HSDL2: variants seen among roughly 807,000 people sequenced by gnomAD.
HSDL2 encodes the protein hydroxysteroid dehydrogenase-like protein 2.
In HSDL2, 27 loss-of-function variants were observed where a neutral mutation model predicts 46.3. That is an observed-to-expected ratio of 0.58 (90% CI 0.43 to 0.80). The LOEUF is 0.80. Ranked by LOEUF, HSDL2 falls within the 30% of genes least tolerant of loss-of-function variation. The pLI is 0.00. For synonymous variants in HSDL2, 153 were observed against 163.6 expected (o/e 0.94, Z 0.50); for missense variants, 451 against 502.7 (o/e 0.90, Z 0.98).
At chr9:112,414,186 T>G (rs997996651) in intron 4 of HSDL2, 2 of 153,134 alleles carry the variant, frequency 1.3e-5, no homozygotes, top group Non-Finnish European at 2.9e-5. Context: ...CTAGCAGATA[T>G]TTAAGAATGT....
In HSDL2 at chr9:112,471,361, T is replaced by C. The variant is rs1833570356; in HGVS notation, c.*817T>C. ...GAGGCCTTTAAAGAGGTGACTTAAGTTCAAAGGAGGCTGTTAGTCTAATCC... is the reference window on the plus strand; with the variant it reads ...GAGGCCTTTAAAGAGGTGACTTAAGCTCAAAGGAGGCTGTTAGTCTAATCC... On this transcript the variant is annotated 3_prime_UTR_variant, in exon 11 of 11. Transcript: ENST00000398805. 1 of 152,144 alleles carries C rather than the reference T, an allele frequency of 6.6e-6. No homozygotes were observed. The highest frequency in any genetic ancestry group is 1.5e-5 in the Non-Finnish European group (1 of 68,048). 9.4% of individuals were successfully genotyped at this position (152,144 alleles called of 1,614,324 possible). A position where few individuals can be genotyped will look rare whatever the true frequency, so the allele number is the denominator to read the frequency against.
intron 6 of HSDL2, among the ~76,000 whole-genome samples, chr9:112,436,418 C>T (rs1346663266): frequency 6.6e-6 from 1 of 151,928 alleles, no homozygotes; most frequent in East Asian, 1.9e-4. Context: ...TTGTCAACAT[C>T]TGTGTCCTTA....
At chr9:112,430,794 G>A (rs1832370982) in intron 6 of HSDL2, among the ~76,000 whole-genome samples, 1 of 152,090 alleles carries the variant, frequency 6.6e-6, no homozygotes, top group Non-Finnish European at 1.5e-5. Context: ...GCTCGCATCT[G>A]TAATCCCAGC....
chr9:112,451,557 A>G (rs1362356106), intron 8 of HSDL2, among the ~76,000 whole-genome samples: 1 of 152,220 alleles, frequency 6.6e-6, no homozygotes, highest in Non-Finnish European at 1.5e-5. Flanking sequence ...CTTACATTCT[A>G]TCCCAGCTCT....
intron 6 of HSDL2, among the ~76,000 whole-genome samples, chr9:112,437,509 A>C (rs1792846999): frequency 6.6e-6 from 1 of 152,048 alleles, no homozygotes; most frequent in Non-Finnish European, 1.5e-5. Context: ...GTGGTCCCTA[A>C]AGTAATGGTG....
chr9:112,466,409 T>C (rs1833380649), intron 10 of HSDL2, among the ~76,000 whole-genome samples: 2 of 152,118 alleles, frequency 1.3e-5, no homozygotes, highest in South Asian at 4.2e-4. Flanking sequence ...AAAAATTAGC[T>C]GGGCATGGTG....
chr9:112,468,619 C>T (rs923171855), intron 10 of HSDL2, among the ~76,000 whole-genome samples: 1 of 152,020 alleles, frequency 6.6e-6, no homozygotes, highest in African/African-American at 2.4e-5. Flanking sequence ...CTCTTCTTCT[C>T]CTCTCTCCTT....
rs1832004971 is a variant in HSDL2, at chr9:112,416,746, C to G, written c.396-95C>G. ...CTGTGATCGAGTCATGCACTCCAGC[C>G]TGGGCAACAGAGCAAGGCCCCCTCT... is the stretch of plus-strand genomic sequence containing the variant. On this transcript the variant is annotated intron_variant, in intron 4 of 10. Transcript: ENST00000398805. 1.1e-5 allele frequency: 7 copies of G among 622,406 alleles called. No homozygotes were observed. In the South Asian group the frequency reaches 1.4e-4, roughly 12 times the overall value. 38.6% of individuals were successfully genotyped at this position (622,406 alleles called of 1,614,324 possible).
At position 112,400,059 on chromosome 9, in the gene HSDL2, G is replaced by A. The variant is rs117292666; in HGVS notation, c.18-3936G>A. ...TTTTCACAATTTATGTTCCTCTTCCGCGGCTCCAGCTGGTCCCTCCGTTCG... is the reference window on the plus strand; with the variant it reads ...TTTTCACAATTTATGTTCCTCTTCCACGGCTCCAGCTGGTCCCTCCGTTCG... On this transcript the variant is annotated intron_variant, in intron 1 of 10. Transcript: ENST00000398805. Among the ~76,000 whole-genome samples the A allele has an allele frequency of 3.7e-3, 566 of 152,282 alleles. 25 individuals are homozygous for A. In the East Asian group the frequency reaches 0.095, roughly 26 times the overall value.
intron 1 of HSDL2, among the ~76,000 whole-genome samples, chr9:112,382,053 C>T (rs1251380269): frequency 2.0e-5 from 3 of 152,084 alleles, no homozygotes; most frequent in African/African-American, 7.2e-5. Context: ...GCCTGGCCAA[C>T]GTGGTGAAAC....
chr9:112,409,683 T>A (rs916642577), intron 4 of HSDL2, among the ~76,000 whole-genome samples: 2 of 152,008 alleles, frequency 1.3e-5, no homozygotes, highest in Non-Finnish European at 1.5e-5. Flanking sequence ...AAAAAGTTTT[T>A]AAAATCAGGC....
intron 7 of HSDL2, 97 bp downstream of exon 7, chr9:112,438,722 A>G (rs1044659805): frequency 2.0e-5 from 14 of 706,230 alleles, no homozygotes; most frequent in Non-Finnish European, 2.8e-5. Context: ...TGATTGTAAA[A>G]TGAATGTGTT....
intron 10 of HSDL2, among the ~76,000 whole-genome samples, chr9:112,464,773 G>A (rs1042441693): frequency 5.9e-5 from 9 of 151,946 alleles, no homozygotes; most frequent in South Asian, 2.1e-4. Flanking sequence ...AAACATTTTC[G>A]TCATCTCAAA....
intron 1 of HSDL2, among the ~76,000 whole-genome samples, chr9:112,399,014 T>C (rs1315901715): frequency 6.6e-6 from 1 of 151,550 alleles, no homozygotes; most frequent in African/African-American, 2.4e-5. Flanking sequence ...ACCGGACCAA[T>C]GAACGTTTCT....
chr9:112,438,374 A>G (rs1278075767), intron 6 of HSDL2, 57 bp from the exon 7 acceptor site: 2 of 1,118,522 alleles, frequency 1.8e-6, no homozygotes, highest in Middle Eastern at 4.5e-4. Flanking sequence ...TTACTTCCAT[A>G]GTTTTATTAT....
intron 1 of HSDL2, among the ~76,000 whole-genome samples, chr9:112,386,903 T>G (rs910082988): frequency 4.6e-5 from 7 of 152,300 alleles, no homozygotes; most frequent in Middle Eastern, 3.4e-3. Flanking sequence ...ACATATGATG[T>G]ATATTCTTCA....
intron 6 of HSDL2, among the ~76,000 whole-genome samples, chr9:112,427,119 A>C (rs1357488416): frequency 6.6e-6 from 1 of 152,158 alleles, no homozygotes; most frequent in Non-Finnish European, 1.5e-5. Flanking sequence ...CAGTGGCACG[A>C]TCTCAGCCCA....
chr9:112,446,786 C>G (rs928788137), intron 8 of HSDL2, among the ~76,000 whole-genome samples: 4 of 152,170 alleles, frequency 2.6e-5, no homozygotes, highest in Non-Finnish European at 5.9e-5. Flanking sequence ...GTCTGCTTAT[C>G]TTATTTGGGA....
intron 3 of HSDL2, among the ~76,000 whole-genome samples, chr9:112,408,166 G>T (rs926323001): frequency 1.3e-5 from 2 of 152,182 alleles, no homozygotes; most frequent in African/African-American, 4.8e-5. Flanking sequence ...AGGGGCCTTG[G>T]GGGAAGGGAG....
Sources: gnomAD v4.1 joint callset for allele counts (sites outside exome capture counted in the v4.1 genomes callset) on GRCh38, gnomAD v4.1.1 for gene constraint, MANE v1.5 for transcripts, NCBI Gene and HGNC (gene_info 2026-07-23, HGNC 2026-07-21) for gene names.